Variants in CMC1 observed in about 807,000 individuals in gnomAD.
CMC1 encodes the protein C-X9-C motif containing 1.
A neutral mutation model predicts 14.1 loss-of-function variants in CMC1; 14 were observed. The observed-to-expected ratio is 0.99, with a 90% confidence interval of 0.66 to 1.55. CMC1 has a LOEUF of 1.55. CMC1 is among the 40% of genes most tolerant of loss of function. The pLI is 0.00. For missense variants in CMC1, 127 were observed against 123.8 expected (o/e 1.03, Z -0.12); for synonymous variants, 50 against 38.4 (o/e 1.30, Z -1.12).
At chr3:28,300,340 G>C (rs930120518) in intron 2 of CMC1, among the ~76,000 whole-genome samples, 1 of 152,078 alleles carries the variant, frequency 6.6e-6, no homozygotes, top group Non-Finnish European at 1.5e-5. Flanking sequence ...TTATATTCGA[G>C]AACAATTAGC....
intron 1 of CMC1, among the ~76,000 whole-genome samples, chr3:28,256,018 T>G (rs1559402513): frequency 6.6e-6 from 1 of 152,116 alleles, no homozygotes; most frequent in Admixed American, 6.6e-5. Context: ...GAAACAATAG[T>G]TACAATTCTC....
At chr3:28,255,491 C>T (rs895586892) in intron 1 of CMC1, among the ~76,000 whole-genome samples, 3 of 151,974 alleles carry the variant, frequency 2.0e-5, no homozygotes, top group African/African-American at 7.3e-5. Flanking sequence ...AGTGAGCCGC[C>T]TGCTTCAGCC....
chr3:28,248,459 A>G (rs1442378295), intron 1 of CMC1, among the ~76,000 whole-genome samples: 2 of 152,188 alleles, frequency 1.3e-5, no homozygotes, highest in Non-Finnish European at 2.9e-5. Context: ...GAGGATGAGA[A>G]GTAGGGAAAG....
intron 1 of CMC1, among the ~76,000 whole-genome samples, chr3:28,243,216 C>T (rs917959086): frequency 6.6e-6 from 1 of 151,886 alleles, no homozygotes; most frequent in Non-Finnish European, 1.5e-5. Context: ...CCACCACGGC[C>T]GGCTAATTTT....
chr3:28,295,709 A>G (rs973474767), intron 2 of CMC1, among the ~76,000 whole-genome samples: 2 of 152,150 alleles, frequency 1.3e-5, no homozygotes, highest in Non-Finnish European at 1.5e-5. Flanking sequence ...TGTTCAGTAA[A>G]TATTTAACAA....
intron 3 of CMC1, chr3:28,319,261 G>A (rs1292118073): frequency 1.7e-5 from 9 of 535,244 alleles, no homozygotes; most frequent in South Asian, 4.6e-5. Flanking sequence ...CCTTTACACC[G>A]TGGGTTCCCA....
intron 2 of CMC1, among the ~76,000 whole-genome samples, chr3:28,283,002 T>G (rs1700975768): frequency 6.6e-6 from 1 of 152,212 alleles, no homozygotes; most frequent in African/African-American, 2.4e-5. Context: ...TCTTTTTGAC[T>G]TTCTGAACTT....
At chr3:28,317,957 G>A (rs1425149399) in intron 3 of CMC1, 1 of 151,734 alleles carries the variant, frequency 6.6e-6, no homozygotes, top group African/African-American at 2.4e-5. Flanking sequence ...GGGAGGAGAG[G>A]GGCTAGGAAG....
intron 3 of CMC1, chr3:28,316,976 T>C (rs1226365859): frequency 6.6e-6 from 1 of 152,138 alleles, no homozygotes; most frequent in African/African-American, 2.4e-5. Context: ...TGAAGTTCTT[T>C]GAATTCACAT....
At position 28,321,848 on chromosome 3, in the gene CMC1, A is replaced by T. The variant is rs1458062527; in HGVS notation, c.*2219A>T. ...AGCTAATAAGGGAGCAAGAGGAAGGAATAGGTGGCTTTTTGTTATGTTTTC... is the reference window on the plus strand; with the variant it reads ...AGCTAATAAGGGAGCAAGAGGAAGGTATAGGTGGCTTTTTGTTATGTTTTC... On this transcript the variant is annotated 3_prime_UTR_variant, in exon 4 of 4. Coordinates refer to ENST00000466830, the MANE Select transcript of CMC1 (RefSeq NM_182523.2). 1 of 151,344 alleles carries T rather than the reference A, an allele frequency of 6.6e-6. No individual in the cohort carries two copies. Among genetic ancestry groups the T allele is most frequent in the Non-Finnish European group, 1.5e-5 (1 of 67,516 alleles). 9.4% of individuals were successfully genotyped at this position (151,344 alleles called of 1,614,324 possible).
intron 1 of CMC1, among the ~76,000 whole-genome samples, chr3:28,243,306 T>G (rs1206484334): frequency 6.6e-6 from 1 of 152,152 alleles, no homozygotes; most frequent in East Asian, 1.9e-4. Flanking sequence ...TCTGCCTGAC[T>G]TGGCCTCCCA....
intron 2 of CMC1, among the ~76,000 whole-genome samples, chr3:28,279,401 C>T (rs1700752543): frequency 6.6e-6 from 1 of 152,136 alleles, no homozygotes; most frequent in African/African-American, 2.4e-5. Context: ...ACTCGTATTA[C>T]TCACAACATT....
Position 28,263,319 on chromosome 3 carries a change from T to A in CMC1, c.48T>A (p.Asp16Glu). 1 of 1,608,384 alleles carries A rather than the reference T, an allele frequency of 6.2e-7. No individual in the cohort carries two copies. The highest frequency in any genetic ancestry group is 8.5e-7 in the Non-Finnish European group (1 of 1,177,850). The stretch of plus-strand genomic sequence containing the variant: ...AGCATCTCAGACATGTCGAAAAAGA[T>A]GTTTTGATCCCTAAAATAATGAGAG... ...ADQHLRHVEK[D>E]VLIPKIMREK... is the part of the protein sequence containing the mutation. Residue 16 changes from aspartate (D) to glutamate (E), a missense_variant, in exon 2 of 4, where the codon GAT becomes GAA. By Grantham distance (45) the Asp-to-Glu change is conservative (BLOSUM62 2). Coordinates refer to ENST00000466830, the MANE Select transcript of CMC1 (RefSeq NM_182523.2).
intron 2 of CMC1, among the ~76,000 whole-genome samples, chr3:28,310,455 A>G (rs1029120094): frequency 1.3e-5 from 2 of 152,248 alleles, no homozygotes; most frequent in Non-Finnish European, 2.9e-5. Context: ...TGAATCAGCT[A>G]AAACGTGAAT....
At chr3:28,276,454 A>T (rs1700594356) in intron 2 of CMC1, among the ~76,000 whole-genome samples, 1 of 152,170 alleles carries the variant, frequency 6.6e-6, no homozygotes, top group African/African-American at 2.4e-5. Flanking sequence ...ATAAAATGTC[A>T]TAGCTTTTTT....
intron 1 of CMC1, chr3:28,253,669 C>A: frequency 1.1e-6 from 1 of 885,528 alleles, no homozygotes; most frequent in South Asian, 1.5e-5. Flanking sequence ...AATATAGAAA[C>A]TATTGCTAAT....
chr3:28,252,481 C>G (rs1472553707), intron 1 of CMC1, among the ~76,000 whole-genome samples: 1 of 152,164 alleles, frequency 6.6e-6, no homozygotes, highest in Non-Finnish European at 1.5e-5. Flanking sequence ...AGCCAGCTGA[C>G]AAATTGCTCC....
At chr3:28,298,504 G>A (rs1224982445) in intron 2 of CMC1, among the ~76,000 whole-genome samples, 4 of 149,572 alleles carry the variant, frequency 2.7e-5, no homozygotes, top group African/African-American at 4.9e-5. Context: ...AGTATGCAAT[G>A]TTAGTACATA....
chr3:28,296,235 G>A (rs1198274212), intron 2 of CMC1, among the ~76,000 whole-genome samples: 2 of 151,978 alleles, frequency 1.3e-5, no homozygotes, highest in African/African-American at 2.4e-5. Context: ...TAAATGGTTT[G>A]TTGATCACCA....
Sources: allele counts gnomAD v4.1 joint callset (sites outside exome capture counted in the v4.1 genomes callset), GRCh38; gene constraint gnomAD v4.1.1; transcripts MANE v1.5; gene names NCBI Gene and HGNC (gene_info 2026-07-23, HGNC 2026-07-21).